EPC2: variants seen among roughly 807,000 people sequenced by gnomAD.
The protein encoded by EPC2 is enhancer of polycomb 2.
Under a neutral mutation model 92.1 loss-of-function variants are expected in EPC2, and 14 were observed. That is an observed-to-expected ratio of 0.15 (90% CI 0.10 to 0.24). The LOEUF (loss-of-function observed/expected upper bound fraction) is 0.24, where lower values mean the gene tolerates loss of function less well. Among genes scored for constraint, EPC2 ranks in the 10% least tolerant of loss-of-function variants. The pLI, the probability that EPC2 is intolerant of heterozygous loss-of-function variation, is 1.00. For missense variants in EPC2, 755 were observed against 971.5 expected (o/e 0.78, Z 2.96); for synonymous variants, 340 against 334.7 (o/e 1.02, Z -0.17).
At chr2:148,772,717 TTGAAAGAGTGCTTGAAGC>T (rs1683550804) in intron 10 of EPC2, among the ~76,000 whole-genome samples, 1 of 152,124 alleles carries the variant, frequency 6.6e-6, no homozygotes, top group Non-Finnish European at 1.5e-5. Flanking sequence ...GTCTGTGAAG[TTGAAAGAGTGCTTGAAGC>T]TGAAATGGAT....
chr2:148,755,440 G>GA (rs1683168979), intron 4 of EPC2, among the ~76,000 whole-genome samples: 1 of 152,170 alleles, frequency 6.6e-6, no homozygotes, highest in Non-Finnish European at 1.5e-5. Flanking sequence ...GAGAAGTAGG[G>GA]AAGGGTTCAT....
intron 1 of EPC2, among the ~76,000 whole-genome samples, chr2:148,677,967 T>A (rs1275503420): frequency 6.6e-6 from 1 of 152,092 alleles, no homozygotes; most frequent in Non-Finnish European, 1.5e-5. Flanking sequence ...GAACAAAGCT[T>A]CCACAGTGTG....
intron 1 of EPC2, among the ~76,000 whole-genome samples, chr2:148,654,325 T>C (rs74616864): frequency 0.02 from 3,081 of 152,304 alleles, 120 homozygotes; most frequent in African/African-American, 0.07. Context: ...TTTTCACTTA[T>C]ACAGGATAAC....
chr2:148,645,748 C>CG (rs1683785358), intron 1 of EPC2, among the ~76,000 whole-genome samples: 1 of 152,000 alleles, frequency 6.6e-6, no homozygotes, highest in Admixed American at 6.6e-5. Context: ...GACTACCGAG[C>CG]GGGTCGTAGC....
intron 1 of EPC2, among the ~76,000 whole-genome samples, chr2:148,687,832 G>A (rs1039594832): frequency 5.9e-5 from 9 of 151,798 alleles, no homozygotes; most frequent in East Asian, 1.9e-4. Flanking sequence ...TTTCTTTAAC[G>A]GTAATTACTG....
Position 148,754,144 on chromosome 2 carries a change from A to T in EPC2, c.666+11A>T, listed in dbSNP as rs1558830357. Reference sequence around the variant, plus strand: ...ATGCAAACTCGAAAGGTAATGTGCAAATTAGGTTTCATTGAAGGTAGCTTA... The same window carrying T: ...ATGCAAACTCGAAAGGTAATGTGCATATTAGGTTTCATTGAAGGTAGCTTA... On this transcript the variant is annotated intron_variant, in intron 4 of 13. Coordinates refer to ENST00000258484, the MANE Select transcript of EPC2 (RefSeq NM_015630.4). 14 of 1,572,466 alleles carry T rather than the reference A, an allele frequency of 8.9e-6. No individual in the cohort carries two copies. Among genetic ancestry groups the T allele is most frequent in the Admixed American group, 3.8e-5 (2 of 53,080 alleles).
Position 148,688,959 on chromosome 2 carries a change from G to A in EPC2, c.154-1255G>A, listed in dbSNP as rs77831785. Among the ~76,000 whole-genome samples, 195 of 152,216 alleles carry A rather than the reference G, an allele frequency of 1.3e-3. 3 individuals carry two copies. The East Asian group carries it at 0.035, about 28-fold the overall frequency. ...TAAAACAGGAAAGGTATGGAGGAAA[G>A]TAAAACAGGGAAGGAATGCTAGAGG... On this transcript the variant is annotated intron_variant, in intron 1 of 13. Transcript: ENST00000258484.
At chr2:148,655,948 G>C (rs1393620870) in intron 1 of EPC2, among the ~76,000 whole-genome samples, 2 of 144,444 alleles carry the variant, frequency 1.4e-5, no homozygotes, top group Non-Finnish European at 3.0e-5. Flanking sequence ...TACATAAAAA[G>C]TGTCTTTCCT....
Position 148,773,243 on chromosome 2 carries a change from A to T in EPC2, c.1720+1856A>T, listed in dbSNP as rs546305984. ...TAATCCTATGACACTACCATACAAC[A>T]TAAAATAAGCATTTAAACTGTTATC... On this transcript the variant is annotated intron_variant, in intron 10 of 13. Transcript: ENST00000258484. 2.0e-4 allele frequency among the ~76,000 whole-genome samples: 30 copies of T among 151,950 alleles called. No individual in the cohort carries two copies. The South Asian group carries it at 6.2e-3, about 32-fold the overall frequency.
chr2:148,686,642 T>G (rs1000577263), intron 1 of EPC2, among the ~76,000 whole-genome samples: 1 of 152,238 alleles, frequency 6.6e-6, no homozygotes, highest in Non-Finnish European at 1.5e-5. Flanking sequence ...AAAATTACTT[T>G]TAATCCATGG....
intron 1 of EPC2, among the ~76,000 whole-genome samples, chr2:148,688,799 T>C (rs908423648): frequency 6.6e-6 from 1 of 152,164 alleles, no homozygotes; most frequent in Non-Finnish European, 1.5e-5. Context: ...GCCATTGTAC[T>C]AGGCATTAGG....
At chr2:148,686,911 A>G (rs943496104) in intron 1 of EPC2, among the ~76,000 whole-genome samples, 5 of 152,214 alleles carry the variant, frequency 3.3e-5, no homozygotes, top group Non-Finnish European at 1.5e-5. Flanking sequence ...TACAATTAAC[A>G]TTACCAGCTG....
chr2:148,652,757 C>T (rs539660083), intron 1 of EPC2, among the ~76,000 whole-genome samples: 62 of 152,242 alleles, frequency 4.1e-4, no homozygotes, highest in African/African-American at 1.4e-3. Context: ...GTCAATTTGG[C>T]TTATCGTTCT....
intron 2 of EPC2, among the ~76,000 whole-genome samples, chr2:148,708,158 G>A (rs1558815959): frequency 6.6e-6 from 1 of 152,036 alleles, no homozygotes; most frequent in Admixed American, 6.6e-5. Context: ...ATGATAAAAG[G>A]GATATCACCA....
At chr2:148,686,431 G>A (rs1211175756) in intron 1 of EPC2, among the ~76,000 whole-genome samples, 1 of 152,146 alleles carries the variant, frequency 6.6e-6, no homozygotes, top group African/African-American at 2.4e-5. Flanking sequence ...TCATCCATGA[G>A]GATTAGAATT....
At chr2:148,701,255 C>G (rs1184563764) in intron 2 of EPC2, among the ~76,000 whole-genome samples, 1 of 152,062 alleles carries the variant, frequency 6.6e-6, no homozygotes, top group African/African-American at 2.4e-5. Flanking sequence ...TTTTTATTTC[C>G]TTTTCTTGTC....
chr2:148,679,139 A>AT (rs574815742), intron 1 of EPC2, among the ~76,000 whole-genome samples: 9 of 152,374 alleles, frequency 5.9e-5, no homozygotes, highest in Admixed American at 2.0e-4. Flanking sequence ...AAAGTGAAGT[A>AT]TGTATCCAAA....
At chr2:148,750,954 A>T (rs1386986531) in intron 3 of EPC2, among the ~76,000 whole-genome samples, 1 of 151,970 alleles carries the variant, frequency 6.6e-6, no homozygotes, top group Admixed American at 6.6e-5. Context: ...AATTTGTCCT[A>T]CTCTGCCCTG....
In EPC2 at chr2:148,691,665, C is replaced by T. The variant is rs776333609; in HGVS notation, c.313+1292C>T. On this transcript the variant is annotated intron_variant, in intron 2 of 13. Transcript: ENST00000258484. ...ACCGGAGACCACGTTAAAGTTTTTG[C>T]TTGTTTGTTTTGTTCATTTGTTTTT... The T allele has an allele frequency of 1.2e-5, 18 of 1,518,504 alleles. No homozygotes were observed. The African/African-American group carries it at 2.2e-4, about 19-fold the overall frequency. 94.1% of individuals were successfully genotyped at this position (1,518,504 alleles called of 1,614,324 possible). A position where few individuals can be genotyped will look rare whatever the true frequency, so the allele number is the denominator to read the frequency against.
Sources: allele counts gnomAD v4.1 joint callset (sites outside exome capture counted in the v4.1 genomes callset), GRCh38; gene constraint gnomAD v4.1.1; transcripts MANE v1.5; gene names NCBI Gene and HGNC (gene_info 2026-07-23, HGNC 2026-07-21).